The following SLC15A2 variants were observed in gnomAD, a reference collection of about 807,000 sequenced individuals.
SLC15A2 encodes solute carrier family 15 member 2.
In SLC15A2, 77 loss-of-function variants were observed where a neutral mutation model predicts 95.5. The observed-to-expected ratio is 0.81, with a 90% CI of 0.67 to 0.97. The LOEUF is 0.97. Ranked by LOEUF, SLC15A2 falls within the 50% of genes least tolerant of loss-of-function variation. SLC15A2 has a pLI of 0.00. For missense variants in SLC15A2, 893 were observed against 874.4 expected, an observed-to-expected ratio of 1.02 and a Z score of -0.27; for synonymous variants, 306 against 306.9, an observed-to-expected ratio of 1.00 and a Z score of 0.03.
chr3:121,938,219 T>TA (rs1439715104), intron 19 of SLC15A2, among the ~76,000 whole-genome samples: 2 of 152,104 alleles, frequency 1.3e-5, no homozygotes, highest in Non-Finnish European at 2.9e-5. Context: ...TGTCTTTTTG[T>TA]TTGTCTGTGC....
intron 13 of SLC15A2, among the ~76,000 whole-genome samples, chr3:121,926,228 A>C (rs1710119244): frequency 6.6e-6 from 1 of 152,264 alleles, no homozygotes; most frequent in African/African-American, 2.4e-5. Flanking sequence ...CTCAAATCTC[A>C]TGTTGAAATG....
intron 3 of SLC15A2, among the ~76,000 whole-genome samples, chr3:121,899,760 T>G (rs1709488965): frequency 1.3e-5 from 2 of 152,196 alleles, no homozygotes; most frequent in Admixed American, 1.3e-4. Context: ...ATTGTTCATA[T>G]TCAAATAGCT....
chr3:121,915,119 A>C, intron 5 of SLC15A2, 108 bp from the exon 6 acceptor site: 2 of 1,090,386 alleles, frequency 1.8e-6, no homozygotes, highest in South Asian at 1.8e-5. Context: ...TGTGGAGGCA[A>C]TATCTGAATC....
At chr3:121,928,850 G>T in intron 15 of SLC15A2, 132 bp from the exon 16 acceptor site, 1 of 956,250 alleles carries the variant, frequency 1.0e-6, no homozygotes, top group South Asian at 1.8e-5. Flanking sequence ...AAATAAAATG[G>T]CTAGGTTAAA....
intron 19 of SLC15A2, among the ~76,000 whole-genome samples, chr3:121,933,682 G>C (rs1402493630): frequency 6.6e-6 from 1 of 152,028 alleles, no homozygotes; most frequent in East Asian, 1.9e-4. Context: ...AGATGAGTAG[G>C]TTGCGAAAAT....
intron 6 of SLC15A2, 96 bp from the exon 7 acceptor site, chr3:121,915,520 A>G: frequency 1.0e-6 from 1 of 972,760 alleles, no homozygotes; most frequent in Non-Finnish European, 1.6e-6. Context: ...TCTATTCTAC[A>G]AGCTCAGGTT....
At chr3:121,929,723 A>G (rs927267671) in intron 17 of SLC15A2, among the ~76,000 whole-genome samples, 1 of 152,168 alleles carries the variant, frequency 6.6e-6, no homozygotes, top group Non-Finnish European at 1.5e-5. Context: ...TATATCTTTT[A>G]AAGTATAGTT....
intron 3 of SLC15A2, among the ~76,000 whole-genome samples, chr3:121,909,666 C>T (rs1709722982): frequency 6.6e-6 from 1 of 151,984 alleles, no homozygotes. Flanking sequence ...CTATAAGTTG[C>T]CTATTTTCCT....
intron 7 of SLC15A2, among the ~76,000 whole-genome samples, chr3:121,920,160 A>G (rs1201978570): frequency 6.6e-6 from 1 of 152,128 alleles, no homozygotes; most frequent in Non-Finnish European, 1.5e-5. Flanking sequence ...AAGTCTTCCT[A>G]TTATCACTCC....
At chr3:121,898,864 T>C (rs1218465727) in intron 3 of SLC15A2, among the ~76,000 whole-genome samples, 1 of 152,212 alleles carries the variant, frequency 6.6e-6, no homozygotes, top group East Asian at 1.9e-4. Context: ...ATGTTCATTA[T>C]TCTATAAGTG....
At chr3:121,923,830 A>G (rs898853759) in intron 11 of SLC15A2, among the ~76,000 whole-genome samples, 1 of 152,174 alleles carries the variant, frequency 6.6e-6, no homozygotes. Context: ...AGTTTTTGAA[A>G]AGACAGAGTA....
intron 19 of SLC15A2, among the ~76,000 whole-genome samples, chr3:121,936,437 C>G (rs984607895): frequency 5.3e-5 from 8 of 152,170 alleles, no homozygotes; most frequent in Non-Finnish European, 7.4e-5. Flanking sequence ...TGCTTTATGA[C>G]TCTGGGTGCT....
At chr3:121,927,440 T>C (rs986969113) in intron 13 of SLC15A2, among the ~76,000 whole-genome samples, 8 of 152,186 alleles carry the variant, frequency 5.3e-5, no homozygotes, top group East Asian at 1.9e-4. Flanking sequence ...CATTTAAAAG[T>C]GTGTGGCACC....
At chr3:121,935,312 T>C (rs1349425877) in intron 19 of SLC15A2, among the ~76,000 whole-genome samples, 1 of 152,194 alleles carries the variant, frequency 6.6e-6, no homozygotes, top group African/African-American at 2.4e-5. Flanking sequence ...TCTTTTTCTA[T>C]TGATTGGAAT....
At chr3:121,931,573 AC>A (rs1710233378) in intron 18 of SLC15A2, 65 bp from the exon 19 acceptor site, 1 of 976,814 alleles carries the variant, frequency 1.0e-6, no homozygotes, top group Non-Finnish European at 1.6e-6. Flanking sequence ...GATCACTTTC[AC>A]CTGGAGATGG....
At chr3:121,933,051 G>T (rs1206916661) in intron 19 of SLC15A2, among the ~76,000 whole-genome samples, 8 of 149,686 alleles carry the variant, frequency 5.3e-5, no homozygotes, top group Non-Finnish European at 1.0e-4. Context: ...TGAGAATGAT[G>T]ATTTCCAATT....
intron 15 of SLC15A2, 93 bp downstream of exon 15, chr3:121,928,648 T>G: frequency 2.2e-6 from 3 of 1,353,138 alleles, no homozygotes; most frequent in African/African-American, 2.9e-5. Flanking sequence ...CATCTTCCCA[T>G]GTCTTTAGAT....
chr3:121,900,803 AGTGTT>A lies in SLC15A2; in HGVS notation c.335+3275_335+3279del, dbSNP rs1199694283. The stretch of plus-strand genomic sequence containing the variant: ...CTTTTACTATAGCTGGAAGTAATAT[AGTGTT>A]TTCTGAGTTCTTTGTTTTCTCACCC... On this transcript the variant is annotated intron_variant, in intron 3 of 21. Coordinates refer to ENST00000489711, the MANE Select transcript of SLC15A2 (RefSeq NM_021082.4). Among the ~76,000 whole-genome samples, 4 of 151,948 alleles carry A rather than the reference AGTGTT, an allele frequency of 2.6e-5. No homozygotes were observed. The East Asian group carries it at 5.8e-4, about 22-fold the overall frequency.
intron 19 of SLC15A2, among the ~76,000 whole-genome samples, chr3:121,936,020 G>T (rs1389022833): frequency 6.6e-6 from 1 of 152,132 alleles, no homozygotes; most frequent in East Asian, 1.9e-4. Context: ...ATTTCGTGAT[G>T]TACCCAGTAG....
Sources: gnomAD v4.1 joint callset for allele counts (sites outside exome capture counted in the v4.1 genomes callset) on GRCh38, gnomAD v4.1.1 for gene constraint, MANE v1.5 for transcripts, NCBI Gene and HGNC (gene_info 2026-07-23, HGNC 2026-07-21) for gene names.